The following PLBD2 variants were observed in gnomAD, a reference collection of about 807,000 sequenced individuals.
The protein encoded by PLBD2 is phospholipase B domain containing 2.
A neutral mutation model predicts 68.3 loss-of-function variants in PLBD2; 51 were observed. The ratio of observed to expected loss-of-function variants is 0.75; its 90% CI spans 0.60 to 0.94. PLBD2 has a LOEUF of 0.94. Ranked by LOEUF, PLBD2 falls within the 40% of genes least tolerant of loss-of-function variation. The probability of loss-of-function intolerance (pLI) is 0.00; values close to 1 mark genes in which losing one functional copy is unlikely to be tolerated. For synonymous variants in PLBD2, 314 were observed against 339.3 expected, an observed-to-expected ratio of 0.93 and a Z score of 0.82; for missense variants, 729 against 792.2, an observed-to-expected ratio of 0.92 and a Z score of 0.96.
At chr12:113,381,518 G>A (rs1422663267) in intron 6 of PLBD2, among the ~76,000 whole-genome samples, 2 of 152,168 alleles carry the variant, frequency 1.3e-5, no homozygotes, top group Non-Finnish European at 2.9e-5. Flanking sequence ...AGCTCCCTGC[G>A]GGGACGGGAG....
Position 113,388,602 on chromosome 12 carries a change from G to A in PLBD2, c.1746G>A (p.Ala582=), listed in dbSNP as rs745388157. ...HMGQPDLWKF[A]PVKVSWD is the part of the protein sequence containing the mutation. ...GCCAGCCAGACCTCTGGAAGTTCGC[G>A]CCTGTCAAGGTTTCATGGGACTGAA... Residue 582 remains alanine, a synonymous_variant, in exon 12 of 12, where the codon GCG becomes GCA. Transcript: ENST00000280800. 1.3e-5 allele frequency: 20 copies of A among 1,594,916 alleles called. No individual in the cohort carries two copies. The highest frequency in any genetic ancestry group is 3.5e-5 in the Admixed American group (2 of 56,562).
chr12:113,362,422 G>A (rs1018413250), intron 1 of PLBD2, among the ~76,000 whole-genome samples: 2 of 152,056 alleles, frequency 1.3e-5, no homozygotes, highest in Non-Finnish European at 2.9e-5. Context: ...ACTAGACTGC[G>A]GAAGTGGGGT....
intron 6 of PLBD2, among the ~76,000 whole-genome samples, chr12:113,383,844 CAA>C (rs1209478279): frequency 6.6e-6 from 1 of 151,340 alleles, no homozygotes; most frequent in African/African-American, 2.4e-5. Flanking sequence ...ACTAAAAATA[CAA>C]AAGTTAGCCA....
At chr12:113,377,432 G>A (rs1391068827) in intron 5 of PLBD2, among the ~76,000 whole-genome samples, 1 of 151,972 alleles carries the variant, frequency 6.6e-6, no homozygotes, top group Non-Finnish European at 1.5e-5. Flanking sequence ...TTGTTTGTTT[G>A]TTTGTTTTGT....
At chr12:113,365,141 C>A (rs958190809) in intron 1 of PLBD2, among the ~76,000 whole-genome samples, 1 of 152,200 alleles carries the variant, frequency 6.6e-6, no homozygotes, top group Non-Finnish European at 1.5e-5. Context: ...AACACTCCCC[C>A]ACAAACCTGA....
chr12:113,387,464 A>C (rs71467903), intron 10 of PLBD2, among the ~76,000 whole-genome samples: 4,230 of 152,308 alleles, frequency 0.028, 87 homozygotes, highest in Middle Eastern at 0.088. Context: ...AAGAGAGGCT[A>C]TCCAGGAACA....
intron 2 of PLBD2, among the ~76,000 whole-genome samples, chr12:113,370,401 C>T (rs576026384): frequency 6.6e-6 from 1 of 150,458 alleles, no homozygotes; most frequent in South Asian, 2.1e-4. Flanking sequence ...TATCATGCTT[C>T]ATAACTTAGA....
At position 113,387,868 on chromosome 12, in the gene PLBD2, G is replaced by A; in HGVS notation, c.1564G>A (p.Ala522Thr). ...NPANGSYPFQ[A>T]LRQRSHGGID... ...GGCCAATGGCTCCTACCCCTTCCAG[G>A]CCCTGCGTCAGCGCTCCCATGGGGG... The change falls in exon 11 of 12, where the codon GCC becomes ACC. Residue 522 changes from alanine to threonine, a missense_variant. Transcript: ENST00000280800. 2 of 1,614,202 alleles carry A rather than the reference G, an allele frequency of 1.2e-6. No individual in the cohort carries two copies. Among genetic ancestry groups the A allele is most frequent in the Non-Finnish European group, 1.7e-6 (2 of 1,180,024 alleles).
chr12:113,380,741 A>G lies in PLBD2; in HGVS notation c.860-4A>G. 6.5e-7 allele frequency: 1 copy of G among 1,548,796 alleles called. No homozygotes were observed. The highest frequency in any genetic ancestry group is 8.7e-7 in the Non-Finnish European group (1 of 1,146,912). On this transcript the variant is annotated splice_region_variant and splice_polypyrimidine_tract_variant and intron_variant, in intron 5 of 11. Transcript: ENST00000280800. ...AGCATCCCTGGCTCGCTCTGCCTGC[A>G]CAGGGGACTACCCGCTGGTTCCCGG...
chr12:113,372,822 C>A lies in PLBD2; in HGVS notation c.543+15C>A. 6.2e-7 allele frequency: 1 copy of A among 1,608,190 alleles called. No homozygotes were observed. The highest frequency in any genetic ancestry group is 1.1e-5 in the South Asian group (1 of 90,886). ...ACTGGCACCAGGTGAGTCCTGCTGCCACGCTTGGTGGGAGGGGGCTTCCAG... is the reference window on the plus strand; with the variant it reads ...ACTGGCACCAGGTGAGTCCTGCTGCAACGCTTGGTGGGAGGGGGCTTCCAG... On this transcript the variant is annotated intron_variant, in intron 3 of 11. Coordinates refer to ENST00000280800, the MANE Select transcript of PLBD2 (RefSeq NM_173542.4). This position sits in a 1 kb window ranked among gnomAD's most constrained non-coding sequence, Gnocchi z 4.2.
Position 113,372,713 on chromosome 12 carries a change from G to T in PLBD2, c.449G>T (p.Gly150Val). The change falls in exon 3 of 12, where the codon GGC becomes GTC. Residue 150 changes from glycine to valine, a missense_variant. Transcript: ENST00000280800. The surrounding 1 kb of genome is among the most constrained non-coding windows in gnomAD (Gnocchi z 4.2). The stretch of plus-strand genomic sequence containing the variant: ...TGCGGCCCCTTCGAGTATGAAGTCG[G>T]CTACTGCGAGAGGCTGAAGAGCTTC... ...NYCGPFEYEV[G>V]YCERLKSFLE... 6.2e-7 allele frequency: 1 copy of T among 1,614,152 alleles called. No homozygotes were observed. Among genetic ancestry groups the T allele is most frequent in the Non-Finnish European group, 8.5e-7 (1 of 1,180,032 alleles).
chr12:113,390,499 A>G lies in PLBD2; in HGVS notation c.*1873A>G, dbSNP rs998393523. On this transcript the variant is annotated 3_prime_UTR_variant, in exon 12 of 12. Coordinates refer to ENST00000280800, the MANE Select transcript of PLBD2 (RefSeq NM_173542.4). ...CTTCCAACCATTTATCCACCCATCC[A>G]AACATTTCCATCTGTTTTTCCATCC... The G allele has an allele frequency of 2.7e-5, 4 of 148,530 alleles. No homozygotes were observed. Among genetic ancestry groups the G allele is most frequent in the African/African-American group, 1.0e-4 (4 of 39,950 alleles). The allele number at this position is 148,530 out of a possible 1,614,324, so 9.2% of individuals were successfully genotyped here.
At position 113,388,623 on chromosome 12, in the gene PLBD2, C is replaced by G. The variant is rs568493483; in HGVS notation, c.1767C>G (p.Asp589Glu). The G allele has an allele frequency of 1.9e-6, 3 of 1,581,856 alleles. No individual in the cohort carries two copies. Among genetic ancestry groups the G allele is most frequent in the South Asian group, 1.1e-5 (1 of 88,174 alleles). Residue 589 changes from aspartate (D) to glutamate (E), a missense_variant, in exon 12 of 12, where the codon GAC becomes GAG. Physicochemically the swap from Asp to Glu is conservative, Grantham distance 45. Coordinates refer to ENST00000280800, the MANE Select transcript of PLBD2 (RefSeq NM_173542.4). ...TCGCGCCTGTCAAGGTTTCATGGGACTGAAGTTCTGTCCCTGCTCTGCTGC... is the reference window on the plus strand; with the variant it reads ...TCGCGCCTGTCAAGGTTTCATGGGAGTGAAGTTCTGTCCCTGCTCTGCTGC... ...WKFAPVKVSW[D>E]
intron 1 of PLBD2, among the ~76,000 whole-genome samples, chr12:113,362,681 C>T (rs1957305938): frequency 6.6e-6 from 1 of 151,778 alleles, no homozygotes; most frequent in Non-Finnish European, 1.5e-5. Context: ...CAAAGGAGAG[C>T]AATATTTGTC....
chr12:113,382,867 G>GTTT (rs67376686), intron 6 of PLBD2, among the ~76,000 whole-genome samples: 10 of 81,808 alleles, frequency 1.2e-4, no homozygotes, highest in Non-Finnish European at 1.5e-4. Flanking sequence ...GTGTGTGTGT[G>GTTT]TTTTTTTTTT....
chr12:113,358,707 G>A lies in PLBD2; in HGVS notation c.107G>A (p.Ser36Asn). The change falls in exon 1 of 12, where the codon AGC (serine) becomes AAC (asparagine). Residue 36 changes from serine to asparagine, a missense_variant. Physicochemically the swap from Ser to Asn is conservative, Grantham distance 46. Coordinates refer to ENST00000280800, the MANE Select transcript of PLBD2 (RefSeq NM_173542.4). ...GCCCTGCTGGTCGGGCCGTTCCTGA[G>A]CGGCCTGGCGGGGGCGATCCCAGCG... ...VLALLVGPFLSGLAGAIPAPG... is the reference protein window; with the variant it reads ...VLALLVGPFLNGLAGAIPAPG... 1 of 1,399,748 alleles carries A rather than the reference G, an allele frequency of 7.1e-7. No individual in the cohort carries two copies. Among genetic ancestry groups the A allele is most frequent in the South Asian group, 1.6e-5 (1 of 61,926 alleles). The allele number at this position is 1,399,748 out of a possible 1,614,324, so 86.7% of individuals were successfully genotyped here. A position where few individuals can be genotyped will look rare whatever the true frequency, so the allele number is the denominator to read the frequency against.
chr12:113,370,023 C>G (rs982908550), intron 2 of PLBD2, among the ~76,000 whole-genome samples: 11 of 151,960 alleles, frequency 7.2e-5, no homozygotes, highest in African/African-American at 2.7e-4. Context: ...CCTCAGCCTT[C>G]CGACTAGCTG....
chr12:113,374,876 C>G lies in PLBD2; in HGVS notation c.728C>G (p.Ser243Cys). 6.2e-7 allele frequency: 1 copy of G among 1,614,060 alleles called. No homozygotes were observed. The highest frequency in any genetic ancestry group is 8.5e-7 in the Non-Finnish European group (1 of 1,180,024). ...ATCAAACCTTCTCTGGGCTCTGGCT[C>G]CTGTTCTGCCCTCATCAAGCTGCTC... The part of the protein sequence containing the change: ...TKIKPSLGSG[S>C]CSALIKLLPG... The change falls in exon 5 of 12, where the codon TCC becomes TGC. Residue 243 changes from serine to cysteine, a missense_variant. Physicochemically the swap from Ser to Cys is moderately radical, Grantham distance 112. Coordinates refer to ENST00000280800, the MANE Select transcript of PLBD2 (RefSeq NM_173542.4).
chr12:113,384,715 C>T lies in PLBD2; in HGVS notation c.1119-136C>T, dbSNP rs563733576. 3.7e-3 allele frequency: 2,470 copies of T among 664,804 alleles called. 8 individuals carry two copies. Among genetic ancestry groups the T allele is most frequent in the Non-Finnish European group, 5.2e-3 (1,915 of 370,704 alleles). 41.2% of individuals were successfully genotyped at this position (664,804 alleles called of 1,614,324 possible). ...TGGATACCTGGTCATGCTGCAGCGT[C>T]AGGGTGTCAGTTGAATGGCTGGACA... On this transcript the variant is annotated intron_variant, in intron 7 of 11. Coordinates refer to ENST00000280800, the MANE Select transcript of PLBD2 (RefSeq NM_173542.4). The surrounding 1 kb of genome is among the most constrained non-coding windows in gnomAD (Gnocchi z 4.2).
Sources: allele counts gnomAD v4.1 joint callset (sites outside exome capture counted in the v4.1 genomes callset), GRCh38; gene constraint gnomAD v4.1.1; non-coding constraint Gnocchi (gnomAD v3.1); transcripts MANE v1.5; gene names NCBI Gene and HGNC (gene_info 2026-07-23, HGNC 2026-07-21).